The following SDK1 variants were observed in gnomAD, a reference collection of about 807,000 sequenced individuals.
The protein encoded by SDK1 is protein sidekick-1.
SDK1 carries 157 observed loss-of-function variants against 245.5 expected under a neutral mutation model. That is an observed-to-expected ratio of 0.64 (90% CI 0.56 to 0.73). The LOEUF (loss-of-function observed/expected upper bound fraction) is 0.73. SDK1 is among the 30% of genes least tolerant of loss of function. The probability of loss-of-function intolerance (pLI) is 0.00; values close to 1 mark genes in which losing one functional copy is unlikely to be tolerated. For missense variants in SDK1, 3,583 were observed against 3,002.3 expected (o/e 1.19, Z -4.52); for synonymous variants, 1,647 against 1,278.5 (o/e 1.29, Z -6.15).
intron 5 of SDK1, among the ~76,000 whole-genome samples, chr7:3,905,546 C>T (rs1778870334): frequency 6.6e-6 from 1 of 152,120 alleles, no homozygotes; most frequent in Admixed American, 6.5e-5. Context: ...TTGCTGTCTA[C>T]AGTTTCACTA....
At chr7:3,549,296 GAC>G (rs1160573964) in intron 1 of SDK1, among the ~76,000 whole-genome samples, 1 of 152,170 alleles carries the variant, frequency 6.6e-6, no homozygotes, top group East Asian at 1.9e-4. Context: ...CCACCGGGTT[GAC>G]ACAGTATTAT....
intron 2 of SDK1, among the ~76,000 whole-genome samples, chr7:3,638,122 G>T (rs940377280): frequency 2.6e-5 from 4 of 152,210 alleles, no homozygotes; most frequent in Non-Finnish European, 5.9e-5. Flanking sequence ...TATATCTCCT[G>T]TGTGCATGGC....
At chr7:3,756,836 C>T (rs935005778) in intron 4 of SDK1, among the ~76,000 whole-genome samples, 1 of 152,032 alleles carries the variant, frequency 6.6e-6, no homozygotes, top group Non-Finnish European at 1.5e-5. Context: ...GGGAAGAATC[C>T]CACAGGGGTA....
intron 5 of SDK1, among the ~76,000 whole-genome samples, chr7:3,936,347 C>T (rs1225527274): frequency 2.6e-5 from 4 of 151,834 alleles, no homozygotes; most frequent in Admixed American, 1.3e-4. Context: ...TTTGGGAGGC[C>T]GAGGCAGGCG....
intron 5 of SDK1, among the ~76,000 whole-genome samples, chr7:3,898,524 T>A (rs1781679187): frequency 6.6e-6 from 1 of 152,196 alleles, no homozygotes; most frequent in Admixed American, 6.5e-5. Context: ...CCTTTTCTGA[T>A]TGGTTTTAGA....
intron 4 of SDK1, among the ~76,000 whole-genome samples, chr7:3,704,128 G>C (rs1218476256): frequency 3.3e-5 from 5 of 152,058 alleles, no homozygotes; most frequent in Non-Finnish European, 2.9e-5. Flanking sequence ...ACTTATAAGT[G>C]AGAACATATG....
chr7:3,435,515 A>T (rs1179205015), intron 1 of SDK1, among the ~76,000 whole-genome samples: 1 of 150,182 alleles, frequency 6.7e-6, no homozygotes, highest in Non-Finnish European at 1.5e-5. Flanking sequence ...GATTATGATT[A>T]TGATTATTAT....
intron 5 of SDK1, among the ~76,000 whole-genome samples, chr7:3,924,743 A>G (rs1431571860): frequency 2.6e-5 from 4 of 152,162 alleles, no homozygotes; most frequent in African/African-American, 7.2e-5. Flanking sequence ...AAGTGGCATG[A>G]AAGATACTAA....
chr7:3,763,202 C>T (rs553463755), intron 4 of SDK1, among the ~76,000 whole-genome samples: 1 of 152,194 alleles, frequency 6.6e-6, no homozygotes, highest in East Asian at 1.9e-4. Context: ...TTGTCATTTA[C>T]AAATAAGCAT....
intron 1 of SDK1, among the ~76,000 whole-genome samples, chr7:3,532,712 A>G (rs922428048): frequency 2.6e-5 from 4 of 152,026 alleles, no homozygotes; most frequent in Non-Finnish European, 5.9e-5. Flanking sequence ...TCACTTTCTT[A>G]CCTATGTTGG....
chr7:3,577,891 C>T (rs143737216), intron 1 of SDK1, among the ~76,000 whole-genome samples: 15 of 152,052 alleles, frequency 9.9e-5, no homozygotes, highest in African/African-American at 2.2e-4. Flanking sequence ...TAGAGGTGTG[C>T]GGTGACTGCA....
At chr7:3,322,397 T>C (rs1779840109) in intron 1 of SDK1, among the ~76,000 whole-genome samples, 1 of 152,226 alleles carries the variant, frequency 6.6e-6, no homozygotes, top group South Asian at 2.1e-4. Flanking sequence ...AATGGATATC[T>C]GTGTTGTTTC....
At chr7:3,723,889 T>C (rs1454757455) in intron 4 of SDK1, among the ~76,000 whole-genome samples, 3 of 134,252 alleles carry the variant, frequency 2.2e-5, no homozygotes, top group Non-Finnish European at 3.1e-5. Flanking sequence ...CATATATATA[T>C]ACACGTGTAT....
chr7:3,694,452 G>A (rs7789530), intron 4 of SDK1, among the ~76,000 whole-genome samples: 124,281 of 152,164 alleles, frequency 0.82, 50,894 homozygotes, highest in Non-Finnish European at 0.85. Context: ...CCAAGTTGTA[G>A]TGGACTTGGC....
chr7:4,268,618 T>G lies in SDK1; in HGVS notation c.*3234T>G. 4.4e-6 allele frequency: 6 copies of G among 1,367,250 alleles called. No homozygotes were observed. The highest frequency in any genetic ancestry group is 5.9e-6 in the Non-Finnish European group (6 of 1,021,608). 84.7% of individuals were successfully genotyped at this position (1,367,250 alleles called of 1,614,324 possible). Reference sequence around the variant, plus strand: ...ATCTAACTGTGACTGGGCTGAAGCATGATGTTTGCCTAATGGTTCGTAGCA... The same window carrying G: ...ATCTAACTGTGACTGGGCTGAAGCAGGATGTTTGCCTAATGGTTCGTAGCA... On this transcript the variant is annotated 3_prime_UTR_variant, in exon 45 of 45. Transcript: ENST00000404826.
At chr7:3,933,859 G>C (rs1021047052) in intron 5 of SDK1, among the ~76,000 whole-genome samples, 1 of 152,190 alleles carries the variant, frequency 6.6e-6, no homozygotes, top group African/African-American at 2.4e-5. Context: ...TCCATGGAGT[G>C]CCCTTTGTGG....
chr7:4,072,625 G>C (rs563257377), intron 20 of SDK1, among the ~76,000 whole-genome samples: 5 of 152,216 alleles, frequency 3.3e-5, no homozygotes, highest in Non-Finnish European at 5.9e-5. Flanking sequence ...AAGAAAAACT[G>C]TGTTCGTGGG....
intron 32 of SDK1, among the ~76,000 whole-genome samples, chr7:4,168,856 G>A (rs558441094): frequency 6.6e-6 from 1 of 152,258 alleles, no homozygotes; most frequent in South Asian, 2.1e-4. Context: ...TCAGTCCAGA[G>A]CCCAGAAATG....
intron 15 of SDK1, 39 bp downstream of exon 15, chr7:4,011,152 C>CG: frequency 6.2e-7 from 1 of 1,604,962 alleles, no homozygotes; most frequent in East Asian, 2.2e-5. Context: ...GTGGAACAGC[C>CG]GGGGGCCTGA....
Sources: allele counts gnomAD v4.1 joint callset (sites outside exome capture counted in the v4.1 genomes callset), GRCh38; gene constraint gnomAD v4.1.1; transcripts MANE v1.5; gene names NCBI Gene and HGNC (gene_info 2026-07-23, HGNC 2026-07-21).